The following LDB3 variants were observed in gnomAD, a reference collection of about 807,000 sequenced individuals.
The protein encoded by LDB3 is LIM domain binding 3.
LDB3 carries 49 observed loss-of-function variants against 69.0 expected under a neutral mutation model. That is an observed-to-expected ratio of 0.71 (90% CI 0.56 to 0.90). LDB3 has a LOEUF of 0.90. Among genes scored for constraint, LDB3 ranks in the 40% least tolerant of loss-of-function variants. LDB3 has a pLI of 0.00. For synonymous variants in LDB3, 387 were observed against 396.2 expected (o/e 0.98, Z 0.28); for missense variants, 928 against 974.1 (o/e 0.95, Z 0.63).
intron 7 of LDB3, among the ~76,000 whole-genome samples, chr10:86,703,546 A>G (rs1323280380): frequency 6.6e-6 from 1 of 152,196 alleles, no homozygotes; most frequent in Non-Finnish European, 1.5e-5. Flanking sequence ...CCACGCAGTT[A>G]TGGAGAAGGA....
At chr10:86,713,031 C>T (rs907592879) in intron 9 of LDB3, among the ~76,000 whole-genome samples, 4 of 151,858 alleles carry the variant, frequency 2.6e-5, no homozygotes, top group African/African-American at 9.7e-5. Context: ...CACTGCACTC[C>T]AACTTGGGCG....
chr10:86,724,061 A>C (rs1351048132), intron 12 of LDB3, among the ~76,000 whole-genome samples: 1 of 152,190 alleles, frequency 6.6e-6, no homozygotes, highest in Non-Finnish European at 1.5e-5. Context: ...CTGTAATCCC[A>C]GCACTTTGGG....
At chr10:86,694,773 G>A (rs1306696136) in intron 7 of LDB3, among the ~76,000 whole-genome samples, 2 of 152,176 alleles carry the variant, frequency 1.3e-5, no homozygotes, top group Non-Finnish European at 2.9e-5. Flanking sequence ...TGGGGCCCCA[G>A]GCTCACCTAC....
intron 10 of LDB3, among the ~76,000 whole-genome samples, chr10:86,717,003 G>A (rs552510271): frequency 3.5e-4 from 54 of 152,338 alleles, no homozygotes; most frequent in African/African-American, 1.3e-3. Flanking sequence ...AGGTATGTGG[G>A]TGAAGCTCCA....
At chr10:86,693,267 A>G (rs1175228545) in intron 7 of LDB3, among the ~76,000 whole-genome samples, 1 of 152,022 alleles carries the variant, frequency 6.6e-6, no homozygotes, top group Non-Finnish European at 1.5e-5. Flanking sequence ...ACTCACTGGA[A>G]CCCGCTGGGG....
Position 86,699,140 on chromosome 10 carries a change from A to C in LDB3, c.896+6569A>C. On this transcript the variant is annotated intron_variant, in intron 7 of 13. Transcript: ENST00000361373. This position sits in a 1 kb window ranked among gnomAD's most constrained non-coding sequence, Gnocchi z 4.9. The stretch of plus-strand genomic sequence containing the variant: ...TCTCCAAGCCCGTTCCCTCCCTCCC[A>C]TGCCCTCTGCCCCACCTGTTAGACA... The C allele has an allele frequency of 8.8e-5, 82 of 936,774 alleles. No individual in the cohort carries two copies. The highest frequency in any genetic ancestry group is 1.4e-4 in the East Asian group (5 of 36,646). 58.0% of individuals were successfully genotyped at this position (936,774 alleles called of 1,614,324 possible). A position where few individuals can be genotyped will look rare whatever the true frequency, so the allele number is the denominator to read the frequency against.
At chr10:86,711,318 TCCTCCTTCCC>T (rs1262479688) in intron 9 of LDB3, among the ~76,000 whole-genome samples, 1 of 151,678 alleles carries the variant, frequency 6.6e-6, no homozygotes, top group African/African-American at 2.4e-5. Context: ...GTCTCCTTCC[TCCTCCTTCCC>T]GGGCTGGGGC....
At chr10:86,707,813 T>C (rs1047905574) in intron 8 of LDB3, among the ~76,000 whole-genome samples, 2 of 152,100 alleles carry the variant, frequency 1.3e-5, no homozygotes, top group Admixed American at 1.3e-4. Flanking sequence ...CCAGCCCAAC[T>C]CAAGCCTGAA....
chr10:86,717,895 G>C, intron 10 of LDB3, 69 bp from the exon 11 acceptor site: 2 of 1,408,470 alleles, frequency 1.4e-6, no homozygotes, highest in Non-Finnish European at 2.0e-6. Context: ...AACAGTGTTG[G>C]GGTTCTTCAA....
intron 13 of LDB3, among the ~76,000 whole-genome samples, chr10:86,730,533 A>G (rs1475332436): frequency 6.6e-6 from 1 of 152,242 alleles, no homozygotes; most frequent in East Asian, 1.9e-4. Context: ...AAGTAAACAC[A>G]GTCCCTTTCT....
At chr10:86,727,262 T>C (rs1450601890) in intron 13 of LDB3, among the ~76,000 whole-genome samples, 2 of 152,116 alleles carry the variant, frequency 1.3e-5, no homozygotes, top group Non-Finnish European at 2.9e-5. Flanking sequence ...CCTCAGGTGA[T>C]TCACCCACCT....
chr10:86,711,555 G>A (rs1373557806), intron 9 of LDB3, among the ~76,000 whole-genome samples: 1 of 151,970 alleles, frequency 6.6e-6, no homozygotes, highest in Non-Finnish European at 1.5e-5. Flanking sequence ...GTGGTCCCGA[G>A]CCCCCCTCCG....
At position 86,680,226 on chromosome 10, in the gene LDB3, G is replaced by T; in HGVS notation, c.321+69G>T. On this transcript the variant is annotated intron_variant, in intron 4 of 13. Coordinates refer to ENST00000361373, the MANE Select transcript of LDB3 (RefSeq NM_007078.3). The stretch of plus-strand genomic sequence containing the variant: ...CTGGAGTGCTGGCCCTGGCCAGCCT[G>T]CCTGGTCTTTGGCTGGCCCAACTGG... The T allele has an allele frequency of 4.8e-6, 7 of 1,444,846 alleles. No individual in the cohort carries two copies. The Admixed American group carries it at 1.1e-4, about 22-fold the overall frequency. The allele number at this position is 1,444,846 out of a possible 1,614,324, so 89.5% of individuals were successfully genotyped here.
chr10:86,711,739 C>T (rs1564654819), intron 9 of LDB3, among the ~76,000 whole-genome samples: 1 of 150,432 alleles, frequency 6.6e-6, no homozygotes, highest in Admixed American at 6.6e-5. Context: ...GGCCGCTCCC[C>T]GGAACACCTG....
intron 2 of LDB3, among the ~76,000 whole-genome samples, chr10:86,672,741 T>C (rs1844558598): frequency 6.6e-6 from 1 of 152,224 alleles, no homozygotes; most frequent in Non-Finnish European, 1.5e-5. Flanking sequence ...GAACTGCATC[T>C]AACTCTGTGA....
At chr10:86,707,184 G>GGGCAGGGAA (rs1846478245) in intron 8 of LDB3, among the ~76,000 whole-genome samples, 1 of 152,154 alleles carries the variant, frequency 6.6e-6, no homozygotes, top group South Asian at 2.1e-4. Flanking sequence ...CATTGGAGCT[G>GGGCAGGGAA]GGCAGGGAAG....
At chr10:86,693,924 C>T (rs1447312229) in intron 7 of LDB3, among the ~76,000 whole-genome samples, 3 of 152,226 alleles carry the variant, frequency 2.0e-5, no homozygotes, top group Non-Finnish European at 4.4e-5. Flanking sequence ...GAGCAAGCGG[C>T]TTCAAAATCC....
At chr10:86,716,141 G>A (rs972433244) in intron 9 of LDB3, among the ~76,000 whole-genome samples, 186 bp from the exon 10 acceptor site, 1 of 152,112 alleles carries the variant, frequency 6.6e-6, no homozygotes, top group African/African-American at 2.4e-5. Flanking sequence ...CTAGCTCTGT[G>A]AACACCCTGC....
chr10:86,730,505 TGAAC>T (rs1847418182), intron 13 of LDB3, among the ~76,000 whole-genome samples: 1 of 152,168 alleles, frequency 6.6e-6, no homozygotes, highest in South Asian at 2.1e-4. Flanking sequence ...TACAAACCCA[TGAAC>T]CCAGATCAAT....
Sources: allele counts gnomAD v4.1 joint callset (sites outside exome capture counted in the v4.1 genomes callset), GRCh38; gene constraint gnomAD v4.1.1; non-coding constraint Gnocchi (gnomAD v3.1); transcripts MANE v1.5; gene names NCBI Gene and HGNC (gene_info 2026-07-23, HGNC 2026-07-21).